The following FILIP1L variants were observed in gnomAD, a reference collection of about 807,000 sequenced individuals.
The protein encoded by FILIP1L is filamin A-interacting protein 1-like.
In FILIP1L, 55 loss-of-function variants were observed where a neutral mutation model predicts 96.6. The ratio of observed to expected loss-of-function variants is 0.57; its 90% CI spans 0.46 to 0.71. The LOEUF is 0.71. FILIP1L is among the 30% of genes least tolerant of loss of function. The pLI, the probability that FILIP1L is intolerant of heterozygous loss-of-function variation, is 0.00. For missense variants in FILIP1L, 1,304 were observed against 1,321.2 expected (o/e 0.99, Z 0.20); for synonymous variants, 467 against 473.9 (o/e 0.99, Z 0.19).
At chr3:99,960,062 A>G (rs2107701438) in intron 1 of FILIP1L, among the ~76,000 whole-genome samples, 1 of 152,198 alleles carries the variant, frequency 6.6e-6, no homozygotes, top group Non-Finnish European at 1.5e-5. Context: ...TGTGTATAGC[A>G]TTATGCCTCT....
rs775188669 is a variant in FILIP1L at position 99,848,787 on chromosome 3, G to A, written c.2889C>T (p.Thr963=). The A allele has an allele frequency of 1.4e-5, 23 of 1,614,004 alleles. 1 individual carries two copies. Among genetic ancestry groups the A allele is most frequent in the Admixed American group, 5.0e-5 (3 of 59,996 alleles). Residue 963 remains threonine (T), a synonymous_variant, in exon 5 of 6, where the codon ACC becomes ACT. Transcript: ENST00000477258. ...CTTGTTCTAAATTCATGAGGTCTTC[G>A]GTAGAGGTTTTGGACTTTACTGGTG... The part of the protein sequence containing the change: ...SITPVKSKTS[T]EDLMNLEQGM...
chr3:99,864,365 T>C (rs1310398040), intron 4 of FILIP1L, among the ~76,000 whole-genome samples: 2 of 152,118 alleles, frequency 1.3e-5, no homozygotes. Flanking sequence ...TGCCACTAGA[T>C]CTCACTTAAT....
intron 4 of FILIP1L, among the ~76,000 whole-genome samples, chr3:99,868,311 A>G (rs931973870): frequency 3.9e-5 from 6 of 152,202 alleles, no homozygotes; most frequent in African/African-American, 7.2e-5. Context: ...CGCTAGAGAC[A>G]GATCTTCAAC....
At chr3:100,029,423 CTAAA>C (rs34230430) in intron 1 of FILIP1L, among the ~76,000 whole-genome samples, 28,008 of 151,882 alleles carry the variant, frequency 0.18, 2,882 homozygotes, top group South Asian at 0.25. Context: ...AAATAAAAAG[CTAAA>C]TAGTCATTCA....
intron 1 of FILIP1L, among the ~76,000 whole-genome samples, chr3:100,059,589 C>T (rs1475191020): frequency 6.6e-6 from 1 of 152,018 alleles, no homozygotes; most frequent in Admixed American, 6.6e-5. Flanking sequence ...ATTCAAACAG[C>T]GTTAGGAGCC....
chr3:100,085,757 G>T lies in FILIP1L; in HGVS notation c.-11+28296C>A, dbSNP rs1410686121. ...TCTGGGAATCAGAGCTATGCACGTG[G>T]ATGATGACCCCCTCCTAAGTGGCCA... is the stretch of plus-strand genomic sequence containing the variant. On this transcript the variant is annotated intron_variant, in intron 1 of 5. Coordinates refer to ENST00000477258, the MANE Select transcript of FILIP1L (RefSeq NM_001387850.1). Among the ~76,000 whole-genome samples the T allele has an allele frequency of 3.3e-5, 5 of 152,296 alleles. No individual in the cohort carries two copies. The East Asian group carries it at 9.6e-4, about 29-fold the overall frequency.
intron 1 of FILIP1L, among the ~76,000 whole-genome samples, chr3:100,083,259 G>A (rs975739218): frequency 3.3e-5 from 5 of 152,172 alleles, no homozygotes; most frequent in Non-Finnish European, 2.9e-5. Context: ...GGGCTTGCTT[G>A]CGCCTGTAAT....
rs1410207845 is a variant in FILIP1L, at chr3:99,929,885, C to T, written c.397G>A (p.Glu133Lys). The change falls in exon 3 of 6, where the codon GAG becomes AAG. Residue 133 changes from glutamate to lysine, a missense_variant. By Grantham distance (56) the Glu-to-Lys change is moderately conservative (BLOSUM62 1). Transcript: ENST00000477258. Reference protein sequence around the residue: ...AFQAKSTPWQEDIYEKPMNEL... With the variant: ...AFQAKSTPWQKDIYEKPMNEL... Reference sequence around the variant, plus strand: ...TTCATTGGTTTCTCATAGATGTCCTCCTGCCAAGGGGTAGATTTCGCTTGA... The same window carrying T: ...TTCATTGGTTTCTCATAGATGTCCTTCTGCCAAGGGGTAGATTTCGCTTGA... 2 of 1,613,538 alleles carry T rather than the reference C, an allele frequency of 1.2e-6. No homozygotes were observed. Among genetic ancestry groups the T allele is most frequent in the Middle Eastern group, 1.7e-4 (1 of 6,054 alleles).
chr3:100,064,840 G>A (rs1260683867), intron 1 of FILIP1L, among the ~76,000 whole-genome samples: 4 of 145,574 alleles, frequency 2.7e-5, no homozygotes, highest in Non-Finnish European at 6.0e-5. Flanking sequence ...TTTCCACACA[G>A]TAAAAAGATT....
At chr3:99,950,323 A>G (rs1291389504) in intron 1 of FILIP1L, among the ~76,000 whole-genome samples, 1 of 152,184 alleles carries the variant, frequency 6.6e-6, no homozygotes, top group Non-Finnish European at 1.5e-5. Flanking sequence ...TTTTTACAGC[A>G]TCTCATTTAA....
chr3:99,867,997 A>T (rs1944603944), intron 4 of FILIP1L, among the ~76,000 whole-genome samples: 1 of 151,940 alleles, frequency 6.6e-6, no homozygotes, highest in Non-Finnish European at 1.5e-5. Context: ...TTCAAAAGAG[A>T]CTCTTTATTG....
intron 1 of FILIP1L, among the ~76,000 whole-genome samples, chr3:100,108,598 A>G (rs2107471564): frequency 1.3e-5 from 2 of 152,298 alleles, no homozygotes; most frequent in Middle Eastern, 6.8e-3. Context: ...TTCAATTCAA[A>G]CAGTCCTCAC....
intron 1 of FILIP1L, among the ~76,000 whole-genome samples, chr3:100,098,940 A>ATTTATAAT (rs2066259180): frequency 6.6e-6 from 1 of 152,262 alleles, no homozygotes; most frequent in African/African-American, 2.4e-5. Flanking sequence ...AAATAATGCC[A>ATTTATAAT]GTTAAGATGG....
At chr3:100,109,132 C>T (rs1275510791) in intron 1 of FILIP1L, among the ~76,000 whole-genome samples, 2 of 150,566 alleles carry the variant, frequency 1.3e-5, no homozygotes, top group Non-Finnish European at 3.0e-5. Flanking sequence ...CTTTCTCAGG[C>T]CTCAATTCTT....
chr3:99,996,790 C>T (rs542760086), intron 1 of FILIP1L, among the ~76,000 whole-genome samples: 49 of 151,668 alleles, frequency 3.2e-4, no homozygotes, highest in Middle Eastern at 3.4e-3. Context: ...TGGGGAAAAC[C>T]GGCCCCATGA....
At chr3:99,938,070 TGTGTGCGCGCGC>T (rs1029592406) in intron 1 of FILIP1L, among the ~76,000 whole-genome samples, 4 of 96,870 alleles carry the variant, frequency 4.1e-5, no homozygotes, top group African/African-American at 1.7e-4. Flanking sequence ...TGTGTGTGTG[TGTGTGCGCGCGC>T]GCGCGCGCGT....
At position 99,876,114 on chromosome 3, in the gene FILIP1L, C is replaced by A. The variant is rs547301742; in HGVS notation, c.606-25044G>T. Reference sequence around the variant, plus strand: ...GGGCCGGGCGGGGGCCGGGCCGGGGCCGCTGTAGTGCCGCGCTGCGAGCCG... The same window carrying A: ...GGGCCGGGCGGGGGCCGGGCCGGGGACGCTGTAGTGCCGCGCTGCGAGCCG... On this transcript the variant is annotated intron_variant, in intron 4 of 5. Coordinates refer to ENST00000477258, the MANE Select transcript of FILIP1L (RefSeq NM_001387850.1). The A allele has an allele frequency of 6.5e-4, 640 of 986,626 alleles. 4 individuals carry two copies. In the African/African-American group the frequency reaches 0.01, roughly 16 times the overall value. 61.1% of individuals were successfully genotyped at this position (986,626 alleles called of 1,614,324 possible). A position where few individuals can be genotyped will look rare whatever the true frequency, so the allele number is the denominator to read the frequency against.
chr3:99,992,130 A>C (rs1709542408), intron 1 of FILIP1L, among the ~76,000 whole-genome samples: 1 of 151,878 alleles, frequency 6.6e-6, no homozygotes, highest in Admixed American at 6.6e-5. Flanking sequence ...TGATAAAAAT[A>C]CAAGTGCAGC....
At chr3:99,934,214 G>A (rs1021980954) in intron 1 of FILIP1L, among the ~76,000 whole-genome samples, 2 of 152,164 alleles carry the variant, frequency 1.3e-5, no homozygotes, top group Non-Finnish European at 2.9e-5. Flanking sequence ...ATTCAAGATT[G>A]AGGAAATAGA....
Sources: gnomAD v4.1 joint callset for allele counts (sites outside exome capture counted in the v4.1 genomes callset) on GRCh38, gnomAD v4.1.1 for gene constraint, MANE v1.5 for transcripts, NCBI Gene and HGNC (gene_info 2026-07-23, HGNC 2026-07-21) for gene names.